SLC9D1: variants seen among roughly 807,000 people sequenced by gnomAD.
SLC9D1 encodes the protein solute carrier family 9 member D1, also known as putative LAG1-interacting protein.
At chr13:113,548,410 C>A in the SLC9D1 span, 1 of 1,612,632 alleles carries the variant, frequency 6.2e-7, no homozygotes, top group Non-Finnish European at 8.5e-7. Context: ...TTTCCTTTGT[C>A]CTGGGGAGCC....
chr13:113,499,154 G>A, the SLC9D1 span, among the ~76,000 whole-genome samples: 1 of 152,264 alleles, frequency 6.6e-6, no homozygotes, highest in African/African-American at 2.4e-5. Flanking sequence ...TTGTCATGGC[G>A]CGGGTGGGAG....
chr13:113,544,649 G>T, the SLC9D1 span, among the ~76,000 whole-genome samples: 1 of 152,264 alleles, frequency 6.6e-6, no homozygotes, highest in South Asian at 2.1e-4. Flanking sequence ...GGGGCTGGAA[G>T]TCCAAGATCC....
At chr13:113,529,054 C>T in the SLC9D1 span, 1 of 152,216 alleles carries the variant, frequency 6.6e-6, no homozygotes, top group East Asian at 1.9e-4. Flanking sequence ...ACTCAAACAC[C>T]ACGTTGATCT....
the SLC9D1 span, chr13:113,496,085 G>C: frequency 4.8e-5 from 54 of 1,131,858 alleles, no homozygotes; most frequent in Non-Finnish European, 5.8e-5. Flanking sequence ...GAAGAGAGAG[G>C]GAGAGTGCGT....
the SLC9D1 span, chr13:113,499,924 G>A: frequency 3.8e-6 from 5 of 1,305,692 alleles, no homozygotes; most frequent in Middle Eastern, 4.0e-4. Flanking sequence ...AGCATTTAAT[G>A]GATTTTAATT....
the SLC9D1 span, among the ~76,000 whole-genome samples, chr13:113,537,426 G>A: frequency 0.16 from 24,910 of 152,204 alleles, 2,306 homozygotes; most frequent in Admixed American, 0.27. Context: ...CTTCCACTTA[G>A]CACCACGTCC....
chr13:113,499,529 G>T, the SLC9D1 span, among the ~76,000 whole-genome samples: 1 of 152,166 alleles, frequency 6.6e-6, no homozygotes, highest in African/African-American at 2.4e-5. Flanking sequence ...CTCATTTGTT[G>T]TAGTGTGTTT....
the SLC9D1 span, among the ~76,000 whole-genome samples, chr13:113,536,851 G>A: frequency 3.9e-5 from 6 of 152,198 alleles, no homozygotes; most frequent in Non-Finnish European, 8.8e-5. Context: ...GGGTTGCAGG[G>A]CCACAGTAAA....
At chr13:113,520,828 C>G in the SLC9D1 span, 3 of 904,990 alleles carry the variant, frequency 3.3e-6, no homozygotes. Context: ...ATGTTCTGAG[C>G]TCAGATGGCT....
the SLC9D1 span, chr13:113,547,079 CCCA>C: frequency 5.5e-6 from 3 of 543,340 alleles, no homozygotes; most frequent in East Asian, 3.2e-5. Flanking sequence ...GAGCTGGGAT[CCCA>C]CCACATCAGA....
At chr13:113,506,949 G>A in the SLC9D1 span, among the ~76,000 whole-genome samples, 2 of 117,368 alleles carry the variant, frequency 1.7e-5, no homozygotes, top group South Asian at 5.3e-4. Flanking sequence ...CGGGGGCTTG[G>A]CAAGAGGCTG....
the SLC9D1 span, among the ~76,000 whole-genome samples, chr13:113,543,030 G>C: frequency 8.4e-6 from 1 of 119,294 alleles, no homozygotes; most frequent in Non-Finnish European, 1.6e-5. Flanking sequence ...TGCACCCCCG[G>C]CCCTCCGTGT....
chr13:113,501,567 ACAC>A, the SLC9D1 span, among the ~76,000 whole-genome samples: 1 of 152,198 alleles, frequency 6.6e-6, no homozygotes, highest in African/African-American at 2.4e-5. Context: ...TTCCCAGAAT[ACAC>A]TCTTCATATT....
chr13:113,499,462 G>T, the SLC9D1 span, among the ~76,000 whole-genome samples: 1 of 152,172 alleles, frequency 6.6e-6, no homozygotes, highest in Admixed American at 6.5e-5. Context: ...TGTAACAGGG[G>T]AACATTGAAC....
the SLC9D1 span, among the ~76,000 whole-genome samples, chr13:113,515,241 A>T: frequency 1.3e-5 from 2 of 152,256 alleles, no homozygotes; most frequent in Non-Finnish European, 1.5e-5. Context: ...AATATTCAGT[A>T]ACATGCTGGA....
the SLC9D1 span, among the ~76,000 whole-genome samples, chr13:113,538,519 G>C: frequency 1.6e-3 from 242 of 152,348 alleles, 2 homozygotes; most frequent in East Asian, 0.036. Context: ...TGTTGGCCAG[G>C]GGAGGGAGCA....
the SLC9D1 span, among the ~76,000 whole-genome samples, chr13:113,523,185 G>A: frequency 1.3e-5 from 2 of 151,944 alleles, no homozygotes; most frequent in Admixed American, 6.6e-5. Context: ...AATGTTTTGG[G>A]AAGTGTTCCT....
the SLC9D1 span, among the ~76,000 whole-genome samples, chr13:113,499,642 A>G: frequency 6.6e-6 from 1 of 152,214 alleles, no homozygotes; most frequent in Non-Finnish European, 1.5e-5. Context: ...ATAAGATTAG[A>G]AAAGAAAGCA....
At chr13:113,520,565 G>T in the SLC9D1 span, 2 of 1,289,324 alleles carry the variant, frequency 1.6e-6, no homozygotes, top group Non-Finnish European at 1.1e-6. Context: ...TTTTGACTTT[G>T]GATACTTTTG....
Sources: gnomAD v4.1 joint callset for allele counts (sites outside exome capture counted in the v4.1 genomes callset) on GRCh38, gnomAD v4.1.1 for gene constraint, MANE v1.5 for transcripts, NCBI Gene and HGNC (gene_info 2026-07-23, HGNC 2026-07-21) for gene names.